ANKS3: variants seen among roughly 807,000 people sequenced by gnomAD.
ANKS3 encodes the protein ankyrin repeat and SAM domain-containing protein 3.
Under a neutral mutation model 80.7 loss-of-function variants are expected in ANKS3, and 62 were observed. The ratio of observed to expected loss-of-function variants is 0.77; its 90% CI spans 0.63 to 0.95. The LOEUF is 0.95. ANKS3 is among the 40% of genes least tolerant of loss of function. The probability of loss-of-function intolerance (pLI) is 0.00; values close to 1 mark genes in which losing one functional copy is unlikely to be tolerated. For synonymous variants in ANKS3, 489 were observed against 355.3 expected (o/e 1.38, Z -4.23); for missense variants, 1,150 against 883.6 (o/e 1.30, Z -3.82).
chr16:4,733,288 TTTATTTA>T (rs1379299565), intron 1 of ANKS3, among the ~76,000 whole-genome samples: 6 of 151,644 alleles, frequency 4.0e-5, no homozygotes, highest in Admixed American at 1.3e-4. Context: ...GCACATTTTA[TTTATTTA>T]TTATTATTTT....
chr16:4,719,468 G>A (rs1320787492), intron 6 of ANKS3, among the ~76,000 whole-genome samples: 2 of 152,108 alleles, frequency 1.3e-5, no homozygotes, highest in Admixed American at 1.3e-4. Flanking sequence ...TCTATGATGT[G>A]TCTTAAGGAA....
At chr16:4,715,656 A>G (rs1423281073) in intron 6 of ANKS3, among the ~76,000 whole-genome samples, 1 of 152,250 alleles carries the variant, frequency 6.6e-6, no homozygotes, top group Non-Finnish European at 1.5e-5. Context: ...CGGCAAAATG[A>G]GACCAAAAAA....
At position 4,714,171 on chromosome 16, in the gene ANKS3, C is replaced by G; in HGVS notation, c.589G>C (p.Ala197Pro). Residue 197 changes from alanine (A) to proline (P), a missense_variant, in exon 7 of 18, where the codon GCG (alanine) becomes CCG (proline). By Grantham distance (27) the Ala-to-Pro change is conservative. Coordinates refer to ENST00000304283, the MANE Select transcript of ANKS3 (RefSeq NM_133450.4). ...YFLNHGVKVDARDHSGATARM... is the reference protein window; with the variant it reads ...YFLNHGVKVDPRDHSGATARM... ...GCTGTGGCTCCACTGTGGTCTCTCG[C>G]GTCCACCTTGACTCCCTGTGAATGT... is the stretch of plus-strand genomic sequence containing the variant. 2 of 1,614,108 alleles carry G rather than the reference C, an allele frequency of 1.2e-6. No homozygotes were observed. The highest frequency in any genetic ancestry group is 1.7e-6 in the Non-Finnish European group (2 of 1,180,008).
intron 8 of ANKS3, 56 bp downstream of exon 8, chr16:4,705,039 A>C (rs966309731): frequency 1.3e-6 from 2 of 1,590,470 alleles, no homozygotes; most frequent in African/African-American, 2.7e-5. Flanking sequence ...ATTCTTGCCA[A>C]CACAAAATCC....
At chr16:4,723,894 A>C (rs932434040) in intron 6 of ANKS3, among the ~76,000 whole-genome samples, 14 of 151,932 alleles carry the variant, frequency 9.2e-5, no homozygotes, top group Admixed American at 5.3e-4. Flanking sequence ...CTCTACCAAA[A>C]AAAAAAAATT....
At chr16:4,719,419 C>T (rs1384586931) in intron 6 of ANKS3, among the ~76,000 whole-genome samples, 3 of 152,156 alleles carry the variant, frequency 2.0e-5, no homozygotes, top group South Asian at 2.1e-4. Context: ...TGACTCTAAA[C>T]TTACAAGTAG....
At chr16:4,733,807 T>G in intron 1 of ANKS3, 131 bp downstream of exon 1, 3 of 479,146 alleles carry the variant, frequency 6.3e-6, no homozygotes, top group Non-Finnish European at 8.2e-6. Context: ...GTGATGCTGG[T>G]GGTAACTGTC....
intron 6 of ANKS3, among the ~76,000 whole-genome samples, chr16:4,721,053 C>T (rs1220595128): frequency 3.3e-5 from 5 of 150,208 alleles, no homozygotes; most frequent in African/African-American, 4.9e-5. Flanking sequence ...CGCCTGTAAT[C>T]CCAGCACTTT....
At chr16:4,699,305 G>C in intron 11 of ANKS3, 129 bp from the exon 12 acceptor site, 1 of 1,307,186 alleles carries the variant, frequency 7.7e-7, no homozygotes, top group South Asian at 1.4e-5. Flanking sequence ...GTGGCGCCCA[G>C]GCTGTCCCCT....
intron 5 of ANKS3, among the ~76,000 whole-genome samples, chr16:4,726,062 A>G: frequency 7.3e-6 from 1 of 137,704 alleles, no homozygotes; most frequent in East Asian, 2.1e-4. Flanking sequence ...TGCAAGCTCC[A>G]CCTCCCGGGT....
At chr16:4,714,586 G>C (rs933706078) in intron 6 of ANKS3, among the ~76,000 whole-genome samples, 16 of 152,224 alleles carry the variant, frequency 1.1e-4, no homozygotes, top group African/African-American at 3.9e-4. Flanking sequence ...AGCAGAATTC[G>C]TAACTTTGAT....
intron 6 of ANKS3, among the ~76,000 whole-genome samples, chr16:4,721,235 T>G (rs1474102680): frequency 7.1e-6 from 1 of 140,054 alleles, no homozygotes; most frequent in Non-Finnish European, 1.6e-5. Flanking sequence ...AACCCGGAAG[T>G]CTGAGGTTGC....
Position 4,727,077 on chromosome 16 carries a change from C to T in ANKS3, c.271G>A (p.Ala91Thr). Reference protein sequence around the residue: ...HDTIVHLLLEAGVSVNVPTPE... With the variant: ...HDTIVHLLLETGVSVNVPTPE... Reference sequence around the variant, plus strand: ...GTCGGCACATTCACACTCACCCCCGCCTCAAGCAGCAGGTGCACGATTGTG... The same window carrying T: ...GTCGGCACATTCACACTCACCCCCGTCTCAAGCAGCAGGTGCACGATTGTG... Residue 91 changes from alanine (A) to threonine (T), a missense_variant, in exon 4 of 18, where the codon GCG becomes ACG. Transcript: ENST00000304283. The T allele has an allele frequency of 6.2e-7, 1 of 1,614,208 alleles. No individual in the cohort carries two copies. Among genetic ancestry groups the T allele is most frequent in the Non-Finnish European group, 8.5e-7 (1 of 1,180,048 alleles).
intron 7 of ANKS3, among the ~76,000 whole-genome samples, chr16:4,706,452 G>C (rs955441683): frequency 6.6e-6 from 1 of 152,194 alleles, no homozygotes; most frequent in Non-Finnish European, 1.5e-5. Flanking sequence ...GGCCAGGCTG[G>C]TCTCGATCTC....
chr16:4,705,032 C>G lies in ANKS3; in HGVS notation c.868+63G>C, dbSNP rs1272566210. The stretch of plus-strand genomic sequence containing the variant: ...TCAGGAGCCTAAGAGCTATTCCATT[C>G]TTGCCAACACAAAATCCTGGTATGC... On this transcript the variant is annotated intron_variant, in intron 8 of 17. Coordinates refer to ENST00000304283, the MANE Select transcript of ANKS3 (RefSeq NM_133450.4). 33 of 1,584,056 alleles carry G rather than the reference C, an allele frequency of 2.1e-5. No homozygotes were observed. The Admixed American group carries it at 5.8e-4, about 28-fold the overall frequency.
At chr16:4,704,859 C>T (rs932547740) in intron 8 of ANKS3, among the ~76,000 whole-genome samples, 1 of 152,180 alleles carries the variant, frequency 6.6e-6, no homozygotes, top group Non-Finnish European at 1.5e-5. Flanking sequence ...ATTTAACCAA[C>T]GAAAAGGAAA....
intron 3 of ANKS3, chr16:4,729,503 G>A (rs2081517477): frequency 6.6e-6 from 1 of 152,250 alleles, no homozygotes; most frequent in Non-Finnish European, 1.5e-5. Context: ...TGGGATTACA[G>A]GTACATGCCA....
chr16:4,701,200 A>G (rs878897413), intron 10 of ANKS3, 66 bp from the exon 11 acceptor site: 1 of 1,553,686 alleles, frequency 6.4e-7, no homozygotes, highest in East Asian at 2.4e-5. Flanking sequence ...TGAAACCCCC[A>G]CCCGCCACAC....
chr16:4,723,864 C>G (rs1394050722), intron 6 of ANKS3, among the ~76,000 whole-genome samples: 2 of 151,382 alleles, frequency 1.3e-5, no homozygotes, highest in African/African-American at 4.9e-5. Context: ...CTAGCCTGCA[C>G]AACATACTGA....
Sources: gnomAD v4.1 joint callset for allele counts (sites outside exome capture counted in the v4.1 genomes callset) on GRCh38, gnomAD v4.1.1 for gene constraint, MANE v1.5 for transcripts, NCBI Gene and HGNC (gene_info 2026-07-23, HGNC 2026-07-21) for gene names.